Variants in PTPRD observed in about 807,000 individuals in gnomAD.
PTPRD encodes receptor-type tyrosine-protein phosphatase delta.
PTPRD carries 34 observed loss-of-function variants against 214.5 expected under a neutral mutation model. The observed-to-expected ratio is 0.16, with a 90% CI of 0.12 to 0.21. The LOEUF (loss-of-function observed/expected upper bound fraction) is 0.21, where lower values mean the gene tolerates loss of function less well. PTPRD is among the 10% of genes least tolerant of loss of function. The pLI is 1.00. For synonymous variants in PTPRD, 1,128 were observed against 845.7 expected (o/e 1.33, Z -5.79); for missense variants, 2,545 against 2,398.7 (o/e 1.06, Z -1.27).
intron 27 of PTPRD, among the ~76,000 whole-genome samples, chr9:8,491,812 G>A (rs1005977222): frequency 6.6e-6 from 1 of 152,136 alleles, no homozygotes; most frequent in Non-Finnish European, 1.5e-5. Flanking sequence ...TGGCACGCAG[G>A]AGGGCACTCA....
chr9:9,863,876 A>G (rs9299102), intron 5 of PTPRD, among the ~76,000 whole-genome samples: 13,228 of 151,482 alleles, frequency 0.087, 1,414 homozygotes, highest in African/African-American at 0.26. Flanking sequence ...GGACCCAAAG[A>G]TTTGATTGAA....
chr9:9,259,105 A>G (rs960363329), intron 9 of PTPRD, among the ~76,000 whole-genome samples: 1 of 151,764 alleles, frequency 6.6e-6, no homozygotes, highest in East Asian at 2.0e-4. Context: ...CCAAGACTGA[A>G]CTACTCAAAA....
intron 3 of PTPRD, among the ~76,000 whole-genome samples, chr9:10,089,558 A>G (rs908186039): frequency 6.6e-6 from 1 of 151,632 alleles, no homozygotes; most frequent in African/African-American, 2.4e-5. Flanking sequence ...CTGAGTTAAA[A>G]AGATTTGCTG....
intron 7 of PTPRD, among the ~76,000 whole-genome samples, chr9:9,601,640 G>T (rs148839381): frequency 6.6e-6 from 1 of 152,050 alleles, no homozygotes; most frequent in East Asian, 1.9e-4. Context: ...CTTAATACAA[G>T]ATATATGCAG....
At chr9:10,582,026 A>C (rs1353621849) in intron 2 of PTPRD, among the ~76,000 whole-genome samples, 1 of 152,186 alleles carries the variant, frequency 6.6e-6, no homozygotes, top group Non-Finnish European at 1.5e-5. Context: ...GGGGGATAAT[A>C]AGATATCCTT....
chr9:9,245,267 C>G (rs1364640708), intron 9 of PTPRD, among the ~76,000 whole-genome samples: 1 of 151,486 alleles, frequency 6.6e-6, no homozygotes, highest in Non-Finnish European at 1.5e-5. Flanking sequence ...TACCATTTGA[C>G]CCAGCCATGC....
At chr9:9,529,974 CA>C (rs2075093695) in intron 8 of PTPRD, among the ~76,000 whole-genome samples, 1 of 151,828 alleles carries the variant, frequency 6.6e-6, no homozygotes, top group African/African-American at 2.4e-5. Flanking sequence ...AATTAAAACA[CA>C]ACATACCAAG....
intron 8 of PTPRD, among the ~76,000 whole-genome samples, chr9:9,435,311 G>C (rs868054181): frequency 2.0e-5 from 3 of 151,922 alleles, no homozygotes; most frequent in Admixed American, 1.3e-4. Flanking sequence ...AGGAGTTTGA[G>C]ACAAGCCCAG....
chr9:8,424,246 C>A (rs2094527083), intron 35 of PTPRD, among the ~76,000 whole-genome samples: 1 of 152,126 alleles, frequency 6.6e-6, no homozygotes, highest in African/African-American at 2.4e-5. Context: ...AAGTTAATGA[C>A]AACAAATTTT....
intron 11 of PTPRD, among the ~76,000 whole-genome samples, chr9:8,913,059 G>A (rs1228610304): frequency 2.0e-5 from 3 of 152,002 alleles, no homozygotes; most frequent in Non-Finnish European, 4.4e-5. Flanking sequence ...CCGCCATTTT[G>A]AGAAGTTCAA....
intron 9 of PTPRD, among the ~76,000 whole-genome samples, chr9:9,360,957 G>A (rs1476083573): frequency 6.6e-6 from 1 of 151,074 alleles, no homozygotes; most frequent in African/African-American, 2.4e-5. Flanking sequence ...CTAAAACGAT[G>A]TAAAAAGAAA....
chr9:9,677,747 G>A (rs1054194959), intron 7 of PTPRD, among the ~76,000 whole-genome samples: 1 of 151,962 alleles, frequency 6.6e-6, no homozygotes, highest in Admixed American at 6.6e-5. Flanking sequence ...GGAAATAAAG[G>A]GCATTCAATT....
rs869105633 is a variant in PTPRD, at chr9:9,651,826, G to GTTTT, written c.-286-77049_-286-77046dup. Among the ~76,000 whole-genome samples, 29 of 55,080 alleles carry GTTTT rather than the reference G, an allele frequency of 5.3e-4. 2 individuals are homozygous for GTTTT. The highest frequency in any genetic ancestry group is 7.9e-4 in the Admixed American group (4 of 5,048). The allele number at this position is 55,080 out of a possible 152,430, so 36.1% of individuals were successfully genotyped here. On this transcript the variant is annotated intron_variant, in intron 7 of 45. Coordinates refer to ENST00000381196, the MANE Select transcript of PTPRD (RefSeq NM_002839.4). ...CTGCCTTTGTATTTATTCAAGGTTT[G>GTTTT]TTTTTTTTTTTTTTTTTTTTTTTTT...
chr9:9,409,293 T>C (rs1299385720), intron 8 of PTPRD, among the ~76,000 whole-genome samples: 1 of 152,046 alleles, frequency 6.6e-6, no homozygotes, highest in Non-Finnish European at 1.5e-5. Context: ...AGCTTTAATA[T>C]ATCTTCATCA....
chr9:9,977,428 G>C (rs562154918), intron 4 of PTPRD, among the ~76,000 whole-genome samples: 1 of 152,144 alleles, frequency 6.6e-6, no homozygotes, highest in Non-Finnish European at 1.5e-5. Flanking sequence ...ATGAAGCATA[G>C]AGTTTTGTAC....
chr9:9,210,106 T>G (rs2099947548), intron 9 of PTPRD, among the ~76,000 whole-genome samples: 1 of 152,176 alleles, frequency 6.6e-6, no homozygotes, highest in South Asian at 2.1e-4. Context: ...GTAAAATACT[T>G]GCCCTTTGCT....
At chr9:10,448,487 G>A (rs187019757) in intron 2 of PTPRD, among the ~76,000 whole-genome samples, 42 of 152,034 alleles carry the variant, frequency 2.8e-4, no homozygotes, top group Non-Finnish European at 3.4e-4. Flanking sequence ...TTAGTGAAAG[G>A]TGGTTCATCT....
intron 11 of PTPRD, among the ~76,000 whole-genome samples, chr9:8,925,705 C>CA (rs2098878684): frequency 6.6e-6 from 1 of 151,192 alleles, no homozygotes; most frequent in Non-Finnish European, 1.5e-5. Flanking sequence ...TCCTTTACGC[C>CA]ACACCTCTAG....
intron 3 of PTPRD, among the ~76,000 whole-genome samples, chr9:10,109,449 T>G (rs2098669601): frequency 6.6e-6 from 1 of 152,198 alleles, no homozygotes; most frequent in African/African-American, 2.4e-5. Flanking sequence ...TGCCAAATCC[T>G]ATTGTACTCA....
Sources: gnomAD v4.1 joint callset for allele counts (sites outside exome capture counted in the v4.1 genomes callset) on GRCh38, gnomAD v4.1.1 for gene constraint, MANE v1.5 for transcripts, NCBI Gene and HGNC (gene_info 2026-07-23, HGNC 2026-07-21) for gene names.